The following CACHD1 variants were observed in gnomAD, a reference collection of about 807,000 sequenced individuals.
CACHD1 encodes VWFA and cache domain-containing protein 1.
Under a neutral mutation model 138.7 loss-of-function variants are expected in CACHD1, and 71 were observed. The ratio of observed to expected loss-of-function variants is 0.51; its 90% CI spans 0.42 to 0.62. The LOEUF is 0.62. Ranked by LOEUF, CACHD1 falls within the 20% of genes least tolerant of loss-of-function variation. The probability of loss-of-function intolerance (pLI) is 0.00; values close to 1 mark genes in which losing one functional copy is unlikely to be tolerated. For synonymous variants in CACHD1, 578 were observed against 591.5 expected (o/e 0.98, Z 0.33); for missense variants, 1,389 against 1,625.3 (o/e 0.85, Z 2.50).
At chr1:64,505,817 GC>G (rs1185411579) in intron 1 of CACHD1, 1 of 142,076 alleles carries the variant, frequency 7.0e-6, no homozygotes. Context: ...GGACCCCGCG[GC>G]CCGCGAGGCA....
intron 12 of CACHD1, among the ~76,000 whole-genome samples, chr1:64,655,608 G>A (rs1649236840): frequency 6.6e-6 from 1 of 152,156 alleles, no homozygotes; most frequent in African/African-American, 2.4e-5. Context: ...GCCATAACTT[G>A]TGGCACCCAT....
intron 8 of CACHD1, among the ~76,000 whole-genome samples, chr1:64,645,457 C>T (rs1648872284): frequency 1.3e-5 from 2 of 152,112 alleles, no homozygotes; most frequent in South Asian, 4.1e-4. Context: ...TAAATATATA[C>T]ACCTGCTATG....
At chr1:64,669,782 T>C (rs7525514) in intron 16 of CACHD1, among the ~76,000 whole-genome samples, 34,805 of 151,970 alleles carry the variant, frequency 0.23, 6,613 homozygotes, top group East Asian at 0.75. Flanking sequence ...CCTAGATTTA[T>C]GTAGGCAATA....
At chr1:64,623,506 C>T (rs1647989867) in intron 4 of CACHD1, among the ~76,000 whole-genome samples, 1 of 152,158 alleles carries the variant, frequency 6.6e-6, no homozygotes, top group Non-Finnish European at 1.5e-5. Context: ...ACCAATCCTG[C>T]AGCTCTCAGA....
intron 24 of CACHD1, 79 bp from the exon 25 acceptor site, chr1:64,681,179 C>CA: frequency 9.6e-7 from 1 of 1,036,404 alleles, no homozygotes; most frequent in Admixed American, 1.8e-5. Flanking sequence ...AGCCATCAAA[C>CA]AAGTGCTCAG....
chr1:64,528,086 A>G (rs1372820311), intron 1 of CACHD1, among the ~76,000 whole-genome samples: 2 of 152,340 alleles, frequency 1.3e-5, no homozygotes, highest in Admixed American at 1.3e-4. Context: ...GCACTACTTG[A>G]GAATTTTACC....
At position 64,500,218 on chromosome 1, in the gene CACHD1, A is replaced by C. The variant is rs573138852; in HGVS notation, c.198+29276A>C. On this transcript the variant is annotated intron_variant, in intron 1 of 26. Coordinates refer to ENST00000651257, the MANE Select transcript of CACHD1 (RefSeq NM_020925.4). Reference sequence around the variant, plus strand: ...CCCATTGGCCATGACTGGTCACATGACTCCACCTACCTGCAAGGGAGCTGG... The same window carrying C: ...CCCATTGGCCATGACTGGTCACATGCCTCCACCTACCTGCAAGGGAGCTGG... Among the ~76,000 whole-genome samples the C allele has an allele frequency of 5.3e-5, 8 of 152,078 alleles. No homozygotes were observed. The South Asian group carries it at 1.7e-3, about 32-fold the overall frequency.
chr1:64,476,597 A>G (rs2100262409), intron 1 of CACHD1, among the ~76,000 whole-genome samples: 1 of 152,334 alleles, frequency 6.6e-6, no homozygotes, highest in African/African-American at 2.4e-5. Context: ...ATAGAAGAAA[A>G]CTGTCCATTG....
At chr1:64,644,484 G>A (rs1483480851) in intron 8 of CACHD1, among the ~76,000 whole-genome samples, 1 of 152,222 alleles carries the variant, frequency 6.6e-6, no homozygotes, top group Admixed American at 6.5e-5. Flanking sequence ...GTCTGCCTGG[G>A]CAGATACTTC....
At chr1:64,664,776 A>G in intron 15 of CACHD1, 97 bp downstream of exon 15, 1 of 1,055,828 alleles carries the variant, frequency 9.5e-7, no homozygotes. Flanking sequence ...GCATTAAACT[A>G]AAGAAGATAC....
At chr1:64,663,988 G>C in intron 14 of CACHD1, 151 bp downstream of exon 14, 1 of 997,980 alleles carries the variant, frequency 1.0e-6, no homozygotes. Flanking sequence ...GGGGAGGCTG[G>C]TCAGCAGTGA....
chr1:64,609,296 A>G (rs1647445985), intron 4 of CACHD1, among the ~76,000 whole-genome samples: 1 of 152,232 alleles, frequency 6.6e-6, no homozygotes, highest in Admixed American at 6.5e-5. Context: ...AAATCAACCA[A>G]GCTAGAAATT....
At chr1:64,575,110 G>GT (rs1273657268) in intron 2 of CACHD1, among the ~76,000 whole-genome samples, 19 of 152,184 alleles carry the variant, frequency 1.2e-4, no homozygotes, top group Admixed American at 1.1e-3. Context: ...CACTATGATA[G>GT]TAAGAATAAT....
chr1:64,547,934 G>A (rs1646730168), intron 1 of CACHD1, among the ~76,000 whole-genome samples: 1 of 152,168 alleles, frequency 6.6e-6, no homozygotes, highest in Non-Finnish European at 1.5e-5. Context: ...AATTACTACT[G>A]CTTACATTTA....
chr1:64,478,847 C>A (rs937485071), intron 1 of CACHD1, among the ~76,000 whole-genome samples: 1 of 152,074 alleles, frequency 6.6e-6, no homozygotes, highest in East Asian at 1.9e-4. Flanking sequence ...GGGGCAGGAC[C>A]ACTCAGTTAC....
chr1:64,578,521 A>G (rs950866266), intron 2 of CACHD1, among the ~76,000 whole-genome samples: 14 of 152,240 alleles, frequency 9.2e-5, no homozygotes, highest in Non-Finnish European at 1.9e-4. Context: ...ACTTAGTGGC[A>G]TAAACAAACA....
At chr1:64,643,268 A>G (rs974912598) in intron 8 of CACHD1, among the ~76,000 whole-genome samples, 1 of 151,962 alleles carries the variant, frequency 6.6e-6, no homozygotes, top group African/African-American at 2.4e-5. Flanking sequence ...TCCTCTTAGG[A>G]GGGGTTCAGG....
At chr1:64,504,820 G>A (rs1646359058) in intron 1 of CACHD1, among the ~76,000 whole-genome samples, 1 of 152,052 alleles carries the variant, frequency 6.6e-6, no homozygotes, top group Non-Finnish European at 1.5e-5. Context: ...TTACAAAGCC[G>A]GCAGTGTAGT....
intron 4 of CACHD1, among the ~76,000 whole-genome samples, chr1:64,622,595 T>G (rs1647954359): frequency 6.6e-6 from 1 of 152,190 alleles, no homozygotes; most frequent in South Asian, 2.1e-4. Context: ...ACTCAGTAAG[T>G]TTTTTATCTG....
Sources: gnomAD v4.1 joint callset for allele counts (sites outside exome capture counted in the v4.1 genomes callset) on GRCh38, gnomAD v4.1.1 for gene constraint, MANE v1.5 for transcripts, NCBI Gene and HGNC (gene_info 2026-07-23, HGNC 2026-07-21) for gene names.